SEC16A: variants seen among roughly 807,000 people sequenced by gnomAD.
SEC16A encodes the protein protein transport protein Sec16A.
Under a neutral mutation model 221.9 loss-of-function variants are expected in SEC16A, and 110 were observed. The ratio of observed to expected loss-of-function variants is 0.50; its 90% CI spans 0.42 to 0.58. SEC16A has a LOEUF of 0.58. SEC16A is among the 20% of genes least tolerant of loss of function. The pLI is 0.00. For missense variants in SEC16A, 3,165 were observed against 3,097.8 expected, an observed-to-expected ratio of 1.02 and a Z score of -0.52; for synonymous variants, 1,393 against 1,257.7, an observed-to-expected ratio of 1.11 and a Z score of -2.28.
chr9:136,474,535 G>C lies in SEC16A; in HGVS notation c.3081C>G (p.Pro1027=), dbSNP rs368850203. 49 of 1,612,786 alleles carry C rather than the reference G, an allele frequency of 3.0e-5. No homozygotes were observed. The highest frequency in any genetic ancestry group is 9.3e-5 in the African/African-American group (7 of 74,934). The change falls in exon 3 of 32, where the codon CCC becomes CCG. Residue 1027 remains proline (P), a synonymous_variant. Coordinates refer to ENST00000684901, the MANE Select transcript of SEC16A (RefSeq NM_014866.2). ...LASQQSVASH[P]RQSGPGAPNL... ...TAGGCGCCCCAGGCCCAGATTGTCT[G>C]GGATGACTGGCAACACTTTGCTGAG... is the stretch of plus-strand genomic sequence containing the variant.
At chr9:136,464,380 C>T in intron 9 of SEC16A, 40 bp downstream of exon 9, 4 of 1,562,626 alleles carry the variant, frequency 2.6e-6, no homozygotes, top group South Asian at 1.1e-5. Context: ...TTCCCCAGGG[C>T]AGCAGAGCAG....
chr9:136,453,392 G>C, intron 22 of SEC16A, 36 bp downstream of exon 22: 1 of 1,533,170 alleles, frequency 6.5e-7, no homozygotes, highest in Non-Finnish European at 9.0e-7. Context: ...TGAACTTTAT[G>C]GAAAACAAAC....
chr9:136,446,950 C>A lies in SEC16A; in HGVS notation c.6698-1G>T. ...TCTGGAAGCTGTGGTTCTTCTGCAT[C>A]TGGGGATGAGAGAGCGAGGAGGCCA... On this transcript the variant is annotated splice_acceptor_variant, in intron 27 of 31. Coordinates refer to ENST00000684901, the MANE Select transcript of SEC16A (RefSeq NM_014866.2). LOFTEE classifies it high-confidence loss of function. 6.2e-7 allele frequency: 1 copy of A among 1,613,662 alleles called. No individual in the cohort carries two copies. The highest frequency in any genetic ancestry group is 8.5e-7 in the Non-Finnish European group (1 of 1,179,874).
At position 136,474,980 on chromosome 9, in the gene SEC16A, G is replaced by T. The variant is rs1441493574; in HGVS notation, c.2636C>A (p.Ser879Tyr). The change falls in exon 3 of 32, where the codon TCT becomes TAT. Residue 879 changes from serine to tyrosine, a missense_variant. By Grantham distance (144) the Ser-to-Tyr change is moderately radical (BLOSUM62 -2). Coordinates refer to ENST00000684901, the MANE Select transcript of SEC16A (RefSeq NM_014866.2). ...CCCAGACAAAGAAGTGTTCTCCCCAGAATCACCACCGAGAGCCCAACTGCT... is the reference window on the plus strand; with the variant it reads ...CCCAGACAAAGAAGTGTTCTCCCCATAATCACCACCGAGAGCCCAACTGCT... The part of the protein sequence containing the change: ...AVSSWALGGD[S>Y]GENTSLSGIP... The T allele has an allele frequency of 2.5e-6, 4 of 1,580,038 alleles. No individual in the cohort carries two copies. In the African/African-American group the frequency reaches 5.7e-5, roughly 22 times the overall value.
chr9:136,453,722 A>G (rs1838206844), intron 21 of SEC16A, among the ~76,000 whole-genome samples: 2 of 152,210 alleles, frequency 1.3e-5, no homozygotes, highest in South Asian at 4.1e-4. Flanking sequence ...ATATACACAC[A>G]TGTAGACATA....
intron 4 of SEC16A, among the ~76,000 whole-genome samples, chr9:136,471,133 G>C (rs1464173493): frequency 6.6e-6 from 1 of 151,718 alleles, no homozygotes; most frequent in Non-Finnish European, 1.5e-5. Flanking sequence ...GGCAAACAGA[G>C]GAATGGCTGG....
intron 31 of SEC16A, among the ~76,000 whole-genome samples, chr9:136,442,925 AC>A (rs1364126680): frequency 9.2e-5 from 14 of 152,244 alleles, no homozygotes; most frequent in Non-Finnish European, 1.5e-5. Context: ...GAAATAAAAA[AC>A]ATACAAAAAA....
At chr9:136,453,313 T>C in intron 22 of SEC16A, 115 bp downstream of exon 22, 2 of 726,500 alleles carry the variant, frequency 2.8e-6, no homozygotes, top group South Asian at 3.5e-5. Context: ...GAAACAATTT[T>C]AGAAACAATT....
chr9:136,463,605 C>A lies in SEC16A; in HGVS notation c.4509-4G>T. ...ATCCACCTTATGGGTGTCGTCTCTG[C>A]AGAAAGAACACACAGTGAGCAGTGA... On this transcript the variant is annotated splice_region_variant and splice_polypyrimidine_tract_variant and intron_variant, in intron 10 of 31. Transcript: ENST00000684901. 6.2e-7 allele frequency: 1 copy of A among 1,613,782 alleles called. No homozygotes were observed. The highest frequency in any genetic ancestry group is 8.5e-7 in the Non-Finnish European group (1 of 1,179,796).
chr9:136,456,794 C>T (rs1001938125), intron 18 of SEC16A, among the ~76,000 whole-genome samples: 6 of 152,238 alleles, frequency 3.9e-5, no homozygotes, highest in African/African-American at 1.4e-4. Flanking sequence ...AGGCCTGCAG[C>T]AGTACAGCCA....
At position 136,467,157 on chromosome 9, in the gene SEC16A, G is replaced by A. The variant is rs899935337; in HGVS notation, c.3803-74C>T. The stretch of plus-strand genomic sequence containing the variant: ...ATGCCTCAGATATCACTAAAGAAGC[G>A]ACACCACCCCAGGACTTTATGCTCC... On this transcript the variant is annotated intron_variant, in intron 5 of 31. Transcript: ENST00000684901. 4.6e-5 allele frequency: 72 copies of A among 1,558,122 alleles called. 1 individual carries two copies. Among genetic ancestry groups the A allele is most frequent in the Middle Eastern group, 1.7e-4 (1 of 5,816 alleles).
chr9:136,441,456 C>G lies in SEC16A; in HGVS notation c.*299G>C. 1 of 418,574 alleles carries G rather than the reference C, an allele frequency of 2.4e-6. No homozygotes were observed. Among genetic ancestry groups the G allele is most frequent in the Non-Finnish European group, 4.5e-6 (1 of 224,206 alleles). The allele number at this position is 418,574 out of a possible 1,614,324, so 25.9% of individuals were successfully genotyped here. A position where few individuals can be genotyped will look rare whatever the true frequency, so the allele number is the denominator to read the frequency against. ...TCAATGAATGAACATTCTTAAATGA[C>G]CAGGAATACTATATCCTTAAATCAT... On this transcript the variant is annotated 3_prime_UTR_variant, in exon 32 of 32. Coordinates refer to ENST00000684901, the MANE Select transcript of SEC16A (RefSeq NM_014866.2).
chr9:136,455,450 G>C, intron 20 of SEC16A, 151 bp downstream of exon 20: 1 of 708,256 alleles, frequency 1.4e-6, no homozygotes, highest in Admixed American at 3.1e-5. Flanking sequence ...AGGAGACCGA[G>C]GAGCCCCACA....
intron 1 of SEC16A, among the ~76,000 whole-genome samples, chr9:136,480,374 T>A (rs1417910426): frequency 6.6e-6 from 1 of 152,216 alleles, no homozygotes; most frequent in Non-Finnish European, 1.5e-5. Context: ...TTGTTTGCTT[T>A]AAACACAGAG....
At chr9:136,483,047 G>C (rs12002854), upstream of SEC16A, 31 of 983,804 alleles carry the variant, frequency 3.2e-5, no homozygotes, top group Non-Finnish European at 3.7e-5. Context: ...ATCCGGCTCG[G>C]GTCTCCGCGG....
Position 136,459,777 on chromosome 9 carries a change from G to A in SEC16A, c.5171C>T (p.Ala1724Val). ...CCTACCCAGAGTGTCGCCCATGGTA[G>A]CCATCGTCCTGGACTCGACGTCCAT... Reference protein sequence around the residue: ...NNMDVESRTMATMGDTLASRG... With the variant: ...NNMDVESRTMVTMGDTLASRG... Residue 1724 changes from alanine to valine, a missense_variant, in exon 15 of 32, where the codon GCT (alanine) becomes GTT (valine). Physicochemically the swap from Ala to Val is moderately conservative, Grantham distance 64. Around this residue, in one of 3 missense-constraint regions of SEC16A, gnomAD observed 1,088 missense variants for 1,089.6 expected, o/e 1.00. Transcript: ENST00000684901. The surrounding 1 kb of genome is among the most constrained non-coding windows in gnomAD (Gnocchi z 6.1). 1 of 1,611,158 alleles carries A rather than the reference G, an allele frequency of 6.2e-7. No homozygotes were observed. Among genetic ancestry groups the A allele is most frequent in the African/African-American group, 1.3e-5 (1 of 74,988 alleles).
At chr9:136,480,684 G>A (rs1394768882) in intron 1 of SEC16A, among the ~76,000 whole-genome samples, 2 of 152,174 alleles carry the variant, frequency 1.3e-5, no homozygotes, top group Non-Finnish European at 2.9e-5. Flanking sequence ...GAGGTCAGAA[G>A]ATCGAGACCA....
chr9:136,449,264 T>A (rs935889818), intron 23 of SEC16A, among the ~76,000 whole-genome samples: 4 of 151,684 alleles, frequency 2.6e-5, no homozygotes, highest in Non-Finnish European at 5.9e-5. Context: ...GTTTGTTAGT[T>A]TTCTGAGACA....
chr9:136,468,863 T>C (rs1840492782), intron 4 of SEC16A, among the ~76,000 whole-genome samples: 1 of 152,208 alleles, frequency 6.6e-6, no homozygotes, highest in South Asian at 2.1e-4. Flanking sequence ...TTTCTTTTTT[T>C]TTCTTGAGAC....
Sources: gnomAD v4.1 joint callset for allele counts (sites outside exome capture counted in the v4.1 genomes callset) on GRCh38, gnomAD v4.1.1 for gene constraint, gnomAD v4.1.1 regional missense constraint, Gnocchi (gnomAD v3.1) non-coding constraint, MANE v1.5 for transcripts, NCBI Gene and HGNC (gene_info 2026-07-23, HGNC 2026-07-21) for gene names.